The following PPP1R9A variants were observed in gnomAD, a reference collection of about 807,000 sequenced individuals.
The protein encoded by PPP1R9A is neurabin-1.
A neutral mutation model predicts 141.9 loss-of-function variants in PPP1R9A; 59 were observed. That is an observed-to-expected ratio of 0.42 (90% CI 0.34 to 0.52). The LOEUF is 0.52. Among genes scored for constraint, PPP1R9A ranks in the 20% least tolerant of loss-of-function variants. The pLI is 0.10. For synonymous variants in PPP1R9A, 500 were observed against 569.7 expected (o/e 0.88, Z 1.74); for missense variants, 1,444 against 1,611.9 (o/e 0.90, Z 1.78).
intron 8 of PPP1R9A, among the ~76,000 whole-genome samples, chr7:95,237,392 C>T (rs952814984): frequency 7.2e-5 from 11 of 151,772 alleles, no homozygotes; most frequent in African/African-American, 1.7e-4. Context: ...GACGTGGTTT[C>T]GCCATGTTGG....
rs186961221 is a variant in PPP1R9A at position 95,128,882 on chromosome 7, G to T, written c.1649+8050G>T. The stretch of plus-strand genomic sequence containing the variant: ...CATGAGCCATCATGCCCGGCCTTTT[G>T]TTGCAATTTCTTTTGAAGACTTAGT... On this transcript the variant is annotated intron_variant, in intron 4 of 19. Coordinates refer to ENST00000433360, the MANE Select transcript of PPP1R9A (RefSeq NM_001166160.2). Among the ~76,000 whole-genome samples, 1,164 of 152,208 alleles carry T rather than the reference G, an allele frequency of 7.6e-3. 28 individuals are homozygous for T. The highest frequency in any genetic ancestry group is 0.041 in the Admixed American group (623 of 15,278).
At position 94,911,302 on chromosome 7, in the gene PPP1R9A, A is replaced by C. The variant is rs1791426176; in HGVS notation, c.1189A>C (p.Met397Leu). The C allele has an allele frequency of 6.2e-7, 1 of 1,614,182 alleles. No homozygotes were observed. Among genetic ancestry groups the C allele is most frequent in the Non-Finnish European group, 8.5e-7 (1 of 1,180,026 alleles). The change falls in exon 2 of 20, where the codon ATG becomes CTG. Residue 397 changes from methionine to leucine, a missense_variant. Coordinates refer to ENST00000433360, the MANE Select transcript of PPP1R9A (RefSeq NM_001166160.2). ...TAATTTTGATGGTTCCCATGTGTAC[A>C]TGCACAGTGACTATAATGTGTATAG... ...SNNFDGSHVY[M>L]HSDYNVYRVR...
At position 95,293,076 on chromosome 7, in the gene PPP1R9A, A is replaced by G. The variant is rs185178265; in HGVS notation, c.*2773A>G. Reference sequence around the variant, plus strand: ...CTGATTCCCTAAAGGAGAGCTCAGTATGATTCTAACAATAGCCAAAAGTGT... The same window carrying G: ...CTGATTCCCTAAAGGAGAGCTCAGTGTGATTCTAACAATAGCCAAAAGTGT... On this transcript the variant is annotated 3_prime_UTR_variant, in exon 20 of 20. Transcript: ENST00000433360. The G allele has an allele frequency of 1.3e-5, 2 of 152,326 alleles. No homozygotes were observed. The highest frequency in any genetic ancestry group is 2.9e-5 in the Non-Finnish European group (2 of 68,030). 9.4% of individuals were successfully genotyped at this position (152,326 alleles called of 1,614,324 possible). A position where few individuals can be genotyped will look rare whatever the true frequency, so the allele number is the denominator to read the frequency against.
chr7:95,001,943 A>C (rs2151527411), intron 2 of PPP1R9A, among the ~76,000 whole-genome samples: 1 of 152,304 alleles, frequency 6.6e-6, no homozygotes, highest in African/African-American at 2.4e-5. Flanking sequence ...TCACTGACAA[A>C]ATTCTTTGAA....
intron 4 of PPP1R9A, among the ~76,000 whole-genome samples, chr7:95,125,896 T>C (rs1823479490): frequency 6.6e-6 from 1 of 152,152 alleles, no homozygotes; most frequent in African/African-American, 2.4e-5. Flanking sequence ...TTCTTTTGCT[T>C]ATCCTGCAGC....
intron 2 of PPP1R9A, among the ~76,000 whole-genome samples, chr7:94,967,690 A>G (rs1181441493): frequency 5.3e-5 from 8 of 151,886 alleles, no homozygotes; most frequent in Non-Finnish European, 1.2e-4. Flanking sequence ...GCTGGAGTGC[A>G]GTGGTGCGAT....
intron 4 of PPP1R9A, among the ~76,000 whole-genome samples, chr7:95,136,146 A>G (rs1825628201): frequency 1.3e-5 from 2 of 152,120 alleles, no homozygotes; most frequent in Non-Finnish European, 2.9e-5. Flanking sequence ...ATTCCATAGC[A>G]TTCTATTTTA....
chr7:95,091,862 G>A (rs1434436926), intron 2 of PPP1R9A, among the ~76,000 whole-genome samples: 2 of 149,754 alleles, frequency 1.3e-5, no homozygotes, highest in African/African-American at 5.0e-5. Flanking sequence ...TGTGTGGCAA[G>A]GAGAGAAAAG....
chr7:95,162,469 C>T (rs1399823974), intron 5 of PPP1R9A, among the ~76,000 whole-genome samples: 1 of 152,074 alleles, frequency 6.6e-6, no homozygotes, highest in Non-Finnish European at 1.5e-5. Flanking sequence ...ACTTAGGGTG[C>T]ATTTTTTTTG....
chr7:94,983,945 C>T (rs566334288), intron 2 of PPP1R9A, among the ~76,000 whole-genome samples: 7 of 152,156 alleles, frequency 4.6e-5, no homozygotes, highest in Non-Finnish European at 1.0e-4. Context: ...TTTGCCCATT[C>T]AGTATGATAC....
chr7:95,189,728 G>A (rs376043383), intron 5 of PPP1R9A, among the ~76,000 whole-genome samples: 78 of 152,138 alleles, frequency 5.1e-4, no homozygotes, highest in African/African-American at 1.5e-3. Context: ...GAGCCACCGC[G>A]CCCGGCCGGG....
At chr7:94,950,647 A>G (rs1250787480) in intron 2 of PPP1R9A, among the ~76,000 whole-genome samples, 1 of 151,998 alleles carries the variant, frequency 6.6e-6, no homozygotes, top group Non-Finnish European at 1.5e-5. Context: ...CTTCTTTAAT[A>G]TATTTATTAT....
chr7:95,089,036 A>G (rs1034531872), intron 2 of PPP1R9A, among the ~76,000 whole-genome samples: 1 of 152,036 alleles, frequency 6.6e-6, no homozygotes, highest in Non-Finnish European at 1.5e-5. Flanking sequence ...ACACAAGTGG[A>G]AGAGCAGATC....
intron 2 of PPP1R9A, among the ~76,000 whole-genome samples, chr7:94,972,793 C>T (rs1799001555): frequency 6.6e-6 from 1 of 152,144 alleles, no homozygotes; most frequent in Admixed American, 6.5e-5. Flanking sequence ...GGTGATCTGA[C>T]TATTAAGTGT....
intron 2 of PPP1R9A, among the ~76,000 whole-genome samples, chr7:95,086,258 C>T (rs1457271680): frequency 1.3e-5 from 2 of 151,806 alleles, no homozygotes; most frequent in African/African-American, 4.9e-5. Context: ...ATTTTTACAA[C>T]AAAACATTAG....
intron 2 of PPP1R9A, among the ~76,000 whole-genome samples, chr7:94,971,944 T>G (rs185912133): frequency 6.6e-6 from 1 of 152,348 alleles, no homozygotes; most frequent in East Asian, 1.9e-4. Flanking sequence ...AGCTTTGTGT[T>G]GAAGAAGGCT....
intron 8 of PPP1R9A, among the ~76,000 whole-genome samples, chr7:95,228,277 CTTA>C (rs2152957532): frequency 6.6e-6 from 1 of 152,270 alleles, no homozygotes; most frequent in African/African-American, 2.4e-5. Context: ...CATGTTTTTG[CTTA>C]TTATCATGTC....
chr7:95,117,226 G>C (rs563481019), intron 3 of PPP1R9A, among the ~76,000 whole-genome samples: 55 of 151,790 alleles, frequency 3.6e-4, no homozygotes, highest in African/African-American at 1.2e-3. Flanking sequence ...TTGGTGCTTT[G>C]CCTGTCCCTA....
chr7:95,287,665 C>T (rs1805599657), intron 18 of PPP1R9A, among the ~76,000 whole-genome samples: 1 of 152,134 alleles, frequency 6.6e-6, no homozygotes, highest in African/African-American at 2.4e-5. Context: ...ATCACATAGA[C>T]TTTCTCAGCC....
Sources: gnomAD v4.1 joint callset for allele counts (sites outside exome capture counted in the v4.1 genomes callset) on GRCh38, gnomAD v4.1.1 for gene constraint, MANE v1.5 for transcripts, NCBI Gene and HGNC (gene_info 2026-07-23, HGNC 2026-07-21) for gene names.